Variants in SASH1 observed in about 807,000 individuals in gnomAD.
SASH1 encodes the protein SAM and SH3 domain-containing protein 1.
A neutral mutation model predicts 125.2 loss-of-function variants in SASH1; 44 were observed. That is an observed-to-expected ratio of 0.35 (90% CI 0.28 to 0.45). The LOEUF is 0.45. SASH1 is among the 20% of genes least tolerant of loss of function. The pLI is 1.00. For missense variants in SASH1, 1,426 were observed against 1,614.5 expected, an observed-to-expected ratio of 0.88 and a Z score of 2.00; for synonymous variants, 639 against 649.1, an observed-to-expected ratio of 0.98 and a Z score of 0.24.
At chr6:148,292,978 G>A (rs1779672633) in intron 1 of SASH1, among the ~76,000 whole-genome samples, 2 of 151,952 alleles carry the variant, frequency 1.3e-5, no homozygotes, top group Admixed American at 1.3e-4. Flanking sequence ...CTTGAACCTG[G>A]GAGTTGGAGG....
chr6:148,273,259 CTTCTT>C, intron 1 of SASH1, among the ~76,000 whole-genome samples: 1 of 150,364 alleles, frequency 6.7e-6, no homozygotes, highest in South Asian at 2.1e-4. Context: ...GATCTTGTCT[CTTCTT>C]TTCTTCTTCT....
the SASH1 span, among the ~76,000 whole-genome samples, chr6:148,206,094 G>C: frequency 6.6e-6 from 1 of 152,000 alleles, no homozygotes; most frequent in Non-Finnish European, 1.5e-5. Flanking sequence ...ATAATTAAAA[G>C]ATTTTCTTTG....
At chr6:148,247,970 T>C in the SASH1 span, among the ~76,000 whole-genome samples, 1 of 152,220 alleles carries the variant, frequency 6.6e-6, no homozygotes, top group Non-Finnish European at 1.5e-5. Context: ...TGAGTATCTC[T>C]TTTTTAGACA....
the SASH1 span, among the ~76,000 whole-genome samples, chr6:148,233,167 T>C: frequency 3.4e-5 from 5 of 147,878 alleles, no homozygotes; most frequent in Admixed American, 1.4e-4. Context: ...TGAGCCGAGA[T>C]CGCGCCATTG....
In SASH1 at chr6:148,539,491, T is replaced by A. The variant is rs143578011; in HGVS notation, c.2096-952T>A. Among the ~76,000 whole-genome samples the A allele has an allele frequency of 5.3e-3, 809 of 152,332 alleles. 30 individuals carry two copies. Among genetic ancestry groups the A allele is most frequent in the Admixed American group, 0.041 (632 of 15,308 alleles). On this transcript the variant is annotated intron_variant, in intron 16 of 19. Transcript: ENST00000367467. ...TACTCCTGTGTTACTTCACTTAGAA[T>A]AATGGCCTCCAGGTCCATCCAAATT...
intron 9 of SASH1, among the ~76,000 whole-genome samples, chr6:148,518,603 TC>T (rs1469917839): frequency 5.3e-5 from 8 of 152,228 alleles, no homozygotes; most frequent in Non-Finnish European, 1.0e-4. Flanking sequence ...TTTCCTTTTT[TC>T]CTCTTCACAA....
chr6:148,223,056 C>T, the SASH1 span, among the ~76,000 whole-genome samples: 9 of 152,116 alleles, frequency 5.9e-5, no homozygotes, highest in African/African-American at 1.7e-4. Context: ...ATTCTGGGCA[C>T]GGCCAAGGCA....
intron 1 of SASH1, among the ~76,000 whole-genome samples, chr6:148,294,645 G>A (rs1779716266): frequency 6.6e-6 from 1 of 152,128 alleles, no homozygotes; most frequent in South Asian, 2.1e-4. Flanking sequence ...AATTGCTAAT[G>A]CCCCACGTTT....
Position 148,322,934 on chromosome 6 carries a change from T to TTC in SASH1, n.74+50558_74+50559insCT, listed in dbSNP as rs796180697. Among the ~76,000 whole-genome samples the TTC allele has an allele frequency of 5.9e-4, 77 of 129,480 alleles. 4 individuals carry two copies. Among genetic ancestry groups the TTC allele is most frequent in the Admixed American group, 1.1e-3 (14 of 12,330 alleles). 84.9% of individuals were successfully genotyped at this position (129,480 alleles called of 152,430 possible). On this transcript the variant is annotated intron_variant and non_coding_transcript_variant, in intron 1 of 3. Coordinates refer to the SASH1 transcript ENST00000367469. ...TCTTTCTTTTTTCTTTCTCTCTTTC[T>TTC]TTTCCTTCCTTCCTTCCTCCCTCCC...
intron 1 of SASH1, among the ~76,000 whole-genome samples, chr6:148,387,171 G>A (rs1358451503): frequency 5.7e-5 from 8 of 139,216 alleles, no homozygotes; most frequent in Non-Finnish European, 1.2e-4. Context: ...AGGCTAGAGT[G>A]CAGTGGCGCA....
intron 8 of SASH1, among the ~76,000 whole-genome samples, chr6:148,509,919 CA>C (rs1459815225): frequency 6.6e-6 from 1 of 152,172 alleles, no homozygotes; most frequent in Non-Finnish European, 1.5e-5. Flanking sequence ...GCACTTGTTC[CA>C]AAAGAAGCTG....
chr6:148,288,112 G>A (rs370321656), intron 1 of SASH1, among the ~76,000 whole-genome samples: 1 of 152,214 alleles, frequency 6.6e-6, no homozygotes, highest in African/African-American at 2.4e-5. Context: ...TATGGCTGTC[G>A]GCTTTTGCAA....
chr6:148,349,711 C>T (rs907787320), intron 1 of SASH1, among the ~76,000 whole-genome samples: 4 of 152,130 alleles, frequency 2.6e-5, no homozygotes, highest in African/African-American at 9.7e-5. Context: ...GCCTGAGGCC[C>T]AACACTTTGT....
chr6:148,414,135 T>G (rs903441316), intron 2 of SASH1, among the ~76,000 whole-genome samples: 6 of 152,006 alleles, frequency 3.9e-5, no homozygotes, highest in Non-Finnish European at 8.8e-5. Flanking sequence ...AAAACAAAAA[T>G]TATTATGTAA....
At chr6:148,540,615 G>A (rs1782162509) in intron 17 of SASH1, 59 bp downstream of exon 17, 3 of 1,285,258 alleles carry the variant, frequency 2.3e-6, no homozygotes, top group African/African-American at 1.5e-5. Context: ...TCAAAGCACA[G>A]TTTTCTGCAA....
intron 1 of SASH1, among the ~76,000 whole-genome samples, chr6:148,356,678 C>T (rs1309695808): frequency 1.3e-5 from 2 of 152,068 alleles, no homozygotes; most frequent in African/African-American, 4.8e-5. Flanking sequence ...TGGTCTCGAG[C>T]TCCTGACCTC....
At position 148,495,810 on chromosome 6, in the gene SASH1, A is replaced by G. The variant is rs1779284563; in HGVS notation, c.729+8095A>G. Among the ~76,000 whole-genome samples the G allele has an allele frequency of 6.6e-6, 1 of 152,160 alleles. No homozygotes were observed. Among genetic ancestry groups the G allele is most frequent in the Non-Finnish European group, 1.5e-5 (1 of 68,042 alleles). On this transcript the variant is annotated intron_variant, in intron 8 of 19. Transcript: ENST00000367467. This position sits in a 1 kb window ranked among gnomAD's most constrained non-coding sequence, Gnocchi z 4.0. ...TATCCCCAAGAAAATGATGGATTTT[A>G]TTTCTACTGTCTTTGTCTTCTTGTA...
At chr6:148,373,254 A>G (rs1348962208) in intron 1 of SASH1, among the ~76,000 whole-genome samples, 1 of 152,168 alleles carries the variant, frequency 6.6e-6, no homozygotes, top group Non-Finnish European at 1.5e-5. Context: ...GCAATTTTAG[A>G]CATGATATTC....
intron 1 of SASH1, among the ~76,000 whole-genome samples, chr6:148,303,447 G>GAATTAAATTAGA (rs1780029108): frequency 6.6e-6 from 1 of 152,102 alleles, no homozygotes; most frequent in Non-Finnish European, 1.5e-5. Flanking sequence ...GACTATAATG[G>GAATTAAATTAGA]AATTAAATTA....
Sources: gnomAD v4.1 joint callset for allele counts (sites outside exome capture counted in the v4.1 genomes callset) on GRCh38, gnomAD v4.1.1 for gene constraint, Gnocchi (gnomAD v3.1) non-coding constraint, MANE v1.5 for transcripts, NCBI Gene and HGNC (gene_info 2026-07-23, HGNC 2026-07-21) for gene names.